The following ZSCAN30 variants were observed in gnomAD, a reference collection of about 807,000 sequenced individuals.
ZSCAN30 encodes zinc finger and SCAN domain-containing protein 30.
A neutral mutation model predicts 44.3 loss-of-function variants in ZSCAN30; 37 were observed. That is an observed-to-expected ratio of 0.84 (90% CI 0.64 to 1.10). ZSCAN30 has a LOEUF of 1.10. Among genes scored for constraint, ZSCAN30 ranks in the 50% least tolerant of loss-of-function variants. The pLI is 0.00. For missense variants in ZSCAN30, 549 were observed against 582.6 expected, an observed-to-expected ratio of 0.94 and a Z score of 0.59; for synonymous variants, 181 against 204.6, an observed-to-expected ratio of 0.88 and a Z score of 0.98.
intron 3 of ZSCAN30, chr18:35,258,910 T>G (rs1200679292): frequency 3.5e-5 from 4 of 115,338 alleles, no homozygotes; most frequent in African/African-American, 1.2e-4. Context: ...AAGGTCAAAG[T>G]GCAGTGTACT....
intron 3 of ZSCAN30, among the ~76,000 whole-genome samples, chr18:35,255,511 A>G (rs1015183072): frequency 6.6e-6 from 1 of 152,040 alleles, no homozygotes; most frequent in Non-Finnish European, 1.5e-5. Flanking sequence ...TAACATCAAA[A>G]CTTGTAATCT....
At chr18:35,263,877 C>T (rs751872028) in intron 2 of ZSCAN30, 68 bp downstream of exon 2, 1 of 1,533,064 alleles carries the variant, frequency 6.5e-7, no homozygotes. Context: ...AGTCAATGCC[C>T]CAGTCATAAT....
chr18:35,254,374 C>T lies in ZSCAN30; in HGVS notation c.561G>A (p.Arg187=). The change falls in exon 4 of 4, where the codon AGG becomes AGA. Residue 187 remains arginine, a synonymous_variant. Transcript: ENST00000333206. ...CCATCAACACTTTGCCAGCCACCAT[C>T]CTGCCATCTAAAAATGTGAATAGAA... The part of the protein sequence containing the change: ...ESQAFQERDG[R]MVAGKVLMAK... The T allele has an allele frequency of 6.2e-7, 1 of 1,613,950 alleles. No homozygotes were observed. The highest frequency in any genetic ancestry group is 1.7e-5 in the Admixed American group (1 of 60,008).
chr18:35,272,815 T>G (rs191151407), intron 1 of ZSCAN30, among the ~76,000 whole-genome samples: 3 of 152,216 alleles, frequency 2.0e-5, no homozygotes, highest in Admixed American at 6.5e-5. Flanking sequence ...CAGTTACACG[T>G]AGCTGGGGAG....
At chr18:35,261,810 T>C (rs890852967) in intron 3 of ZSCAN30, 7 of 152,220 alleles carry the variant, frequency 4.6e-5, no homozygotes, top group Admixed American at 3.9e-4. Context: ...GATAGGGTTT[T>C]CTAGACATGG....
Position 35,253,727 on chromosome 18 carries a change from T to C in ZSCAN30, c.1208A>G (p.His403Arg), listed in dbSNP as rs779185903. The part of the protein sequence containing the change: ...AFSRSSALIQ[H>R]KKIHTGDKSY... Reference sequence around the variant, plus strand: ...TTTATCTCCAGTGTGAATTTTCTTATGCTGAATAAGGGCTGAGCTCCGGCT... The same window carrying C: ...TTTATCTCCAGTGTGAATTTTCTTACGCTGAATAAGGGCTGAGCTCCGGCT... Residue 403 changes from histidine to arginine, a missense_variant, in exon 4 of 4, where the codon CAT becomes CGT. Transcript: ENST00000333206. The C allele has an allele frequency of 1.2e-6, 2 of 1,614,192 alleles. No homozygotes were observed. Among genetic ancestry groups the C allele is most frequent in the East Asian group, 2.2e-5 (1 of 44,880 alleles).
In ZSCAN30 at chr18:35,251,787, A is replaced by G. The variant is rs2043604613; in HGVS notation, c.*1663T>C. 1 of 151,724 alleles carries G rather than the reference A, an allele frequency of 6.6e-6. No homozygotes were observed. The highest frequency in any genetic ancestry group is 2.4e-5 in the African/African-American group (1 of 41,226). 9.4% of individuals were successfully genotyped at this position (151,724 alleles called of 1,614,324 possible). A position where few individuals can be genotyped will look rare whatever the true frequency, so the allele number is the denominator to read the frequency against. On this transcript the variant is annotated 3_prime_UTR_variant, in exon 4 of 4. Transcript: ENST00000333206. ...CCCCAGCCCTGCAGAACTGTCAGTC[A>G]ATTAAACCTCTTTTTTTTTTTTAAT...
chr18:35,287,217 T>C (rs2044567684), intron 1 of ZSCAN30, among the ~76,000 whole-genome samples: 1 of 152,180 alleles, frequency 6.6e-6, no homozygotes, highest in South Asian at 2.1e-4. Flanking sequence ...TGACTCAATA[T>C]TGCTTTAACA....
At chr18:35,261,186 T>C (rs1469703735) in intron 3 of ZSCAN30, 2 of 152,138 alleles carry the variant, frequency 1.3e-5, no homozygotes. Context: ...ATTTCTCAGA[T>C]CTCTATTCTG....
intron 1 of ZSCAN30, among the ~76,000 whole-genome samples, chr18:35,271,588 T>G (rs1261937861): frequency 6.6e-6 from 1 of 152,070 alleles, no homozygotes; most frequent in Admixed American, 6.5e-5. Context: ...CAGCTGGCTT[T>G]GCCTAGTGGA....
intron 1 of ZSCAN30, among the ~76,000 whole-genome samples, chr18:35,276,521 G>A (rs964408350): frequency 1.2e-4 from 18 of 152,110 alleles, no homozygotes; most frequent in Non-Finnish European, 2.1e-4. Context: ...CATCCTAGCC[G>A]CTCCAGCCAT....
intron 1 of ZSCAN30, 39 bp downstream of exon 1, chr18:35,290,045 A>G (rs1460216741): frequency 6.6e-6 from 1 of 152,332 alleles, no homozygotes; most frequent in East Asian, 1.9e-4. Context: ...TTAAAAAACG[A>G]TAACTAATTA....
intron 2 of ZSCAN30, 21 bp downstream of exon 2, chr18:35,263,924 A>G: frequency 6.2e-7 from 1 of 1,605,062 alleles, no homozygotes. Context: ...GATCAAACAA[A>G]CAAAAATGTT....
chr18:35,254,564 G>A (rs2043726150), intron 3 of ZSCAN30, 183 bp from the exon 4 acceptor site: 3 of 1,009,718 alleles, frequency 3.0e-6, no homozygotes, highest in Non-Finnish European at 4.3e-6. Context: ...CCCCCTTGGA[G>A]AGTAAGGTAG....
intron 1 of ZSCAN30, among the ~76,000 whole-genome samples, chr18:35,280,670 T>C (rs958130414): frequency 6.6e-6 from 1 of 152,368 alleles, no homozygotes; most frequent in South Asian, 2.1e-4. Context: ...TTCTGAGTTT[T>C]AGGAAGTCAG....
At chr18:35,255,479 T>A (rs2043773813) in intron 3 of ZSCAN30, among the ~76,000 whole-genome samples, 1 of 151,786 alleles carries the variant, frequency 6.6e-6, no homozygotes, top group Admixed American at 6.6e-5. Flanking sequence ...TTGCTAAGAG[T>A]TAGGATTCAA....
intron 1 of ZSCAN30, among the ~76,000 whole-genome samples, chr18:35,275,387 G>T (rs1282987807): frequency 6.6e-6 from 1 of 152,132 alleles, no homozygotes; most frequent in South Asian, 2.1e-4. Context: ...GCTCACCTTT[G>T]CACGAAGTTT....
chr18:35,289,709 A>C (rs141462804), intron 1 of ZSCAN30: 1 of 152,352 alleles, frequency 6.6e-6, no homozygotes, highest in East Asian at 1.9e-4. Context: ...TCTAGATTGC[A>C]AAGTAGATAA....
At chr18:35,288,976 G>A (rs930981487) in intron 1 of ZSCAN30, among the ~76,000 whole-genome samples, 3 of 151,720 alleles carry the variant, frequency 2.0e-5, no homozygotes, top group Non-Finnish European at 2.9e-5. Flanking sequence ...GTTTTGTTTT[G>A]TTTTGTTTTG....
Sources: allele counts gnomAD v4.1 joint callset (sites outside exome capture counted in the v4.1 genomes callset), GRCh38; gene constraint gnomAD v4.1.1; transcripts MANE v1.5; gene names NCBI Gene and HGNC (gene_info 2026-07-23, HGNC 2026-07-21).